C1GALT1: variants seen among roughly 807,000 people sequenced by gnomAD.
C1GALT1 encodes the protein core 1 synthase, glycoprotein-N-acetylgalactosamine 3-beta-galactosyltransferase 1.
C1GALT1 carries 11 observed loss-of-function variants against 31.0 expected under a neutral mutation model. That is an observed-to-expected ratio of 0.36 (90% CI 0.22 to 0.59). The LOEUF is 0.59. Among genes scored for constraint, C1GALT1 ranks in the 20% least tolerant of loss-of-function variants. The pLI is 0.79. For synonymous variants in C1GALT1, 175 were observed against 143.6 expected, an observed-to-expected ratio of 1.22 and a Z score of -1.56; for missense variants, 424 against 425.2, an observed-to-expected ratio of 1.00 and a Z score of 0.03.
At chr7:7,158,118 C>G (rs948045759) in intron 2 of C1GALT1, among the ~76,000 whole-genome samples, 1 of 152,172 alleles carries the variant, frequency 6.6e-6, no homozygotes, top group Non-Finnish European at 1.5e-5. Context: ...CTGATGAATA[C>G]AGTAAAATTA....
intron 1 of C1GALT1, among the ~76,000 whole-genome samples, chr7:7,197,625 C>G (rs1392186837): frequency 1.3e-5 from 2 of 151,974 alleles, no homozygotes; most frequent in Non-Finnish European, 2.9e-5. Flanking sequence ...CTATAAATTA[C>G]CTTGGGCAGT....
intron 1 of C1GALT1, among the ~76,000 whole-genome samples, chr7:7,193,569 T>C (rs995865562): frequency 2.0e-5 from 3 of 152,206 alleles, no homozygotes; most frequent in African/African-American, 7.2e-5. Context: ...CCTTTTAGTT[T>C]AGTTTGAAGT....
At chr7:7,168,821 C>T (rs1780423997) in intron 2 of C1GALT1, among the ~76,000 whole-genome samples, 1 of 152,098 alleles carries the variant, frequency 6.6e-6, no homozygotes, top group Admixed American at 6.6e-5. Context: ...AGCAAAACAC[C>T]GTAATTTAAA....
At chr7:7,180,537 G>A (rs1465395654), upstream of C1GALT1, among the ~76,000 whole-genome samples, 1 of 152,152 alleles carries the variant, frequency 6.6e-6, no homozygotes, top group Non-Finnish European at 1.5e-5. Context: ...CAGATAATAC[G>A]ATCCAATTTA....
chr7:7,206,569 G>T (rs1015235767), intron 1 of C1GALT1, among the ~76,000 whole-genome samples: 2 of 151,792 alleles, frequency 1.3e-5, no homozygotes, highest in Non-Finnish European at 2.9e-5. Context: ...CCAGCTACTC[G>T]GGAGGCTGAG....
intron 1 of C1GALT1, among the ~76,000 whole-genome samples, chr7:7,201,348 C>T (rs1011876062): frequency 3.3e-5 from 5 of 152,272 alleles, no homozygotes; most frequent in South Asian, 4.1e-4. Context: ...TGTTGCTACC[C>T]GATCTTTCCT....
At chr7:7,169,249 A>C (rs549428178) in intron 2 of C1GALT1, among the ~76,000 whole-genome samples, 12 of 152,214 alleles carry the variant, frequency 7.9e-5, no homozygotes, top group African/African-American at 2.2e-4. Flanking sequence ...TTGTTTATCC[A>C]TTTCTTGGTT....
chr7:7,196,749 C>G (rs1044060892), intron 1 of C1GALT1, among the ~76,000 whole-genome samples: 2 of 152,132 alleles, frequency 1.3e-5, no homozygotes, highest in African/African-American at 4.8e-5. Flanking sequence ...TTTTAATGAT[C>G]GCCATTCTAA....
Position 7,243,514 on chromosome 7 carries a change from A to G in C1GALT1, c.889-10A>G. ...TTTATTAACAATACCTGTTTCCACT[A>G]CTTTTTTAGGGTCCTGGTTGCTGCT... is the stretch of plus-strand genomic sequence containing the variant. On this transcript the variant is annotated splice_polypyrimidine_tract_variant and intron_variant, in intron 3 of 3. Coordinates refer to ENST00000436587, the MANE Select transcript of C1GALT1 (RefSeq NM_020156.5). The G allele has an allele frequency of 1.3e-6, 2 of 1,580,698 alleles. No homozygotes were observed. The highest frequency in any genetic ancestry group is 1.7e-6 in the Non-Finnish European group (2 of 1,167,680).
At chr7:7,193,801 T>C (rs35234968) in intron 1 of C1GALT1, among the ~76,000 whole-genome samples, 9,189 of 152,248 alleles carry the variant, frequency 0.06, 346 homozygotes, top group East Asian at 0.16. Context: ...ATTCTACCCA[T>C]CCATGAGCAT....
intron 1 of C1GALT1, among the ~76,000 whole-genome samples, chr7:7,216,884 T>C (rs926749871): frequency 6.6e-6 from 1 of 152,026 alleles, no homozygotes; most frequent in African/African-American, 2.4e-5. Flanking sequence ...AGAGAAACCA[T>C]AGAGAGAGAG....
intron 1 of C1GALT1, among the ~76,000 whole-genome samples, chr7:7,216,006 A>G (rs4724962): frequency 0.16 from 24,108 of 151,560 alleles, 2,667 homozygotes; most frequent in Admixed American, 0.32. Flanking sequence ...TTGGGGAACT[A>G]TTTTCCCTGG....
intron 1 of C1GALT1, among the ~76,000 whole-genome samples, chr7:7,199,899 C>G (rs1229503692): frequency 6.6e-6 from 1 of 152,076 alleles, no homozygotes; most frequent in Non-Finnish European, 1.5e-5. Flanking sequence ...CTTGTTAGAT[C>G]TTCCTCCATC....
rs1783891638 is a variant in C1GALT1 at position 7,247,466 on chromosome 7, A to C, written c.*3739A>C. ...TCTTACTGTAATGAGGTATGAAAAT[A>C]AATCATTGATCAGCTCTTAATATTT... On this transcript the variant is annotated 3_prime_UTR_variant, in exon 4 of 4. Transcript: ENST00000436587. 6.6e-6 allele frequency: 1 copy of C among 152,170 alleles called. No homozygotes were observed. Among genetic ancestry groups the C allele is most frequent in the Non-Finnish European group, 1.5e-5 (1 of 68,006 alleles). The allele number at this position is 152,170 out of a possible 1,614,324, so 9.4% of individuals were successfully genotyped here.
intron 2 of C1GALT1, among the ~76,000 whole-genome samples, chr7:7,165,362 T>C (rs1316168111): frequency 1.3e-5 from 2 of 152,334 alleles, no homozygotes; most frequent in African/African-American, 4.8e-5. Flanking sequence ...TCCTTTTACA[T>C]AATTATACCC....
intron 1 of C1GALT1, among the ~76,000 whole-genome samples, chr7:7,207,978 A>G (rs1781826496): frequency 6.6e-6 from 1 of 152,212 alleles, no homozygotes; most frequent in Non-Finnish European, 1.5e-5. Flanking sequence ...AAAATATTAA[A>G]TGGAAAACTT....
chr7:7,172,433 T>C (rs1780463308), intron 2 of C1GALT1, among the ~76,000 whole-genome samples: 1 of 152,134 alleles, frequency 6.6e-6, no homozygotes, highest in Non-Finnish European at 1.5e-5. Flanking sequence ...AGTGTGGGTC[T>C]TTTTGAGTTT....
At chr7:7,208,408 G>A (rs1215537903) in intron 1 of C1GALT1, among the ~76,000 whole-genome samples, 4 of 152,018 alleles carry the variant, frequency 2.6e-5, no homozygotes, top group Non-Finnish European at 5.9e-5. Context: ...TACTATCTGC[G>A]GTTTCAGGCA....
chr7:7,193,026 G>T (rs946556975), intron 1 of C1GALT1, among the ~76,000 whole-genome samples: 2 of 151,812 alleles, frequency 1.3e-5, no homozygotes, highest in Admixed American at 6.6e-5. Flanking sequence ...TTGCTGATTT[G>T]TTTGGTTTTT....
Sources: gnomAD v4.1 joint callset for allele counts (sites outside exome capture counted in the v4.1 genomes callset) on GRCh38, gnomAD v4.1.1 for gene constraint, MANE v1.5 for transcripts, NCBI Gene and HGNC (gene_info 2026-07-23, HGNC 2026-07-21) for gene names.